The following MYCBP2 variants were observed in gnomAD, a reference collection of about 807,000 sequenced individuals.
The protein encoded by MYCBP2 is E3 ubiquitin-protein ligase MYCBP2.
In MYCBP2, 120 loss-of-function variants were observed where a neutral mutation model predicts 525.3. That is an observed-to-expected ratio of 0.23 (90% CI 0.20 to 0.27). The LOEUF (loss-of-function observed/expected upper bound fraction) is 0.27. MYCBP2 is among the 10% of genes least tolerant of loss of function. The pLI is 1.00. For missense variants in MYCBP2, 4,149 were observed against 5,657.1 expected, an observed-to-expected ratio of 0.73 and a Z score of 8.55; for synonymous variants, 1,894 against 1,955.8, an observed-to-expected ratio of 0.97 and a Z score of 0.83.
chr13:77,243,967 A>AG lies in MYCBP2; in HGVS notation c.2382-17_2382-16insC. 9.4e-7 allele frequency: 1 copy of AG among 1,062,680 alleles called. No individual in the cohort carries two copies. The highest frequency in any genetic ancestry group is 1.3e-6 in the Non-Finnish European group (1 of 786,990). 65.8% of individuals were successfully genotyped at this position (1,062,680 alleles called of 1,614,324 possible). ...ACCACAGATCCTAGGGGGAAATACAAAAAAAAAAAAAAAAGACAACTGAGA... is the reference window on the plus strand; with the variant it reads ...ACCACAGATCCTAGGGGGAAATACAAGAAAAAAAAAAAAAAGACAACTGAGA... On this transcript the variant is annotated splice_polypyrimidine_tract_variant and intron_variant, in intron 15 of 82. Transcript: ENST00000544440.
In MYCBP2 at chr13:77,194,137, T is replaced by C. The variant is rs1411208925; in HGVS notation, c.3935+16A>G. On this transcript the variant is annotated intron_variant, in intron 27 of 82. Coordinates refer to ENST00000544440, the MANE Select transcript of MYCBP2 (RefSeq NM_015057.5). The stretch of plus-strand genomic sequence containing the variant: ...AGTATGCAAGAGTTACAATGAATAA[T>C]GCACAAATTATTTACCTAGCAGCAC... 8.4e-6 allele frequency: 13 copies of C among 1,550,134 alleles called. No individual in the cohort carries two copies. The highest frequency in any genetic ancestry group is 4.5e-5 in the East Asian group (2 of 44,208).
intron 4 of MYCBP2, 55 bp downstream of exon 4, chr13:77,278,703 T>A (rs2075877852): frequency 7.2e-7 from 1 of 1,382,776 alleles, no homozygotes; most frequent in African/African-American, 1.5e-5. Context: ...TACAATACTC[T>A]ATTATTAATT....
At chr13:77,065,664 C>T (rs574120941) in intron 72 of MYCBP2, among the ~76,000 whole-genome samples, 46 of 152,292 alleles carry the variant, frequency 3.0e-4, no homozygotes, top group African/African-American at 1.0e-3. Flanking sequence ...CTTCCACTTT[C>T]GAGAGCTCTC....
intron 44 of MYCBP2, among the ~76,000 whole-genome samples, chr13:77,158,341 C>A (rs987038519): frequency 6.6e-6 from 1 of 152,178 alleles, no homozygotes; most frequent in Non-Finnish European, 1.5e-5. Context: ...TGTCAGAGAT[C>A]TGCATGCTGG....
In MYCBP2 at chr13:77,263,582, T is replaced by C. The variant is rs528343076; in HGVS notation, c.1570+69A>G. On this transcript the variant is annotated intron_variant, in intron 10 of 82. Transcript: ENST00000544440. ...ATAAGCTGAACTGGTGAAAACACAA[T>C]GTTCATTTTTAAGAGTATGAAAAAT... is the stretch of plus-strand genomic sequence containing the variant. 3.7e-5 allele frequency: 50 copies of C among 1,350,068 alleles called. No individual in the cohort carries two copies. The East Asian group carries it at 6.0e-4, about 16-fold the overall frequency. The allele number at this position is 1,350,068 out of a possible 1,614,324, so 83.6% of individuals were successfully genotyped here. A position where few individuals can be genotyped will look rare whatever the true frequency, so the allele number is the denominator to read the frequency against.
chr13:77,205,244 G>C lies in MYCBP2; in HGVS notation c.3843+12C>G. On this transcript the variant is annotated intron_variant, in intron 26 of 82. Transcript: ENST00000544440. ...TCAAACAAAAAAGGACAACATTGTT[G>C]ATGAACTTTACCTTAATTTTAGCAG... 6.4e-7 allele frequency: 1 copy of C among 1,557,824 alleles called. No homozygotes were observed. The highest frequency in any genetic ancestry group is 8.7e-7 in the Non-Finnish European group (1 of 1,149,900).
Position 77,326,660 on chromosome 13 carries a change from A to C in MYCBP2, c.116T>G (p.Met39Arg). The C allele has an allele frequency of 1.3e-6, 2 of 1,505,052 alleles. No homozygotes were observed. The highest frequency in any genetic ancestry group is 1.2e-5 in the South Asian group (1 of 80,258). The allele number at this position is 1,505,052 out of a possible 1,614,324, so 93.2% of individuals were successfully genotyped here. Residue 39 changes from methionine (M) to arginine (R), a missense_variant, in exon 1 of 83, where the codon ATG (methionine) becomes AGG (arginine). This residue lies in a region of MYCBP2 where 413 missense variants were observed against 451.2 expected (regional missense o/e 0.92). Transcript: ENST00000544440. This position sits in a 1 kb window ranked among gnomAD's most constrained non-coding sequence, Gnocchi z 4.2. ...AGCCACGGAGCCGTCGGGAACCGGC[A>C]TGAACAGCGCCCCCGGCGCCGGGGA... ...SSSPAPGALF[M>R]PVPDGSVAAA...
chr13:77,174,290 T>C, intron 37 of MYCBP2, 21 bp downstream of exon 37: 1 of 1,609,322 alleles, frequency 6.2e-7, no homozygotes, highest in Middle Eastern at 1.7e-4. Flanking sequence ...GTATTTCCGT[T>C]ATCTCTATAC....
chr13:77,124,042 TA>T (rs1159053767), intron 54 of MYCBP2, among the ~76,000 whole-genome samples: 1 of 152,082 alleles, frequency 6.6e-6, no homozygotes, highest in Non-Finnish European at 1.5e-5. Flanking sequence ...CATCTTAGAC[TA>T]AAAAAAGTCT....
At chr13:77,283,904 A>T (rs1358819204) in intron 3 of MYCBP2, among the ~76,000 whole-genome samples, 3 of 152,182 alleles carry the variant, frequency 2.0e-5, no homozygotes, top group Non-Finnish European at 4.4e-5. Flanking sequence ...TCTCAAAATG[A>T]AAATAAAAAC....
chr13:77,303,124 G>C (rs2078985306), intron 1 of MYCBP2, among the ~76,000 whole-genome samples: 2 of 152,190 alleles, frequency 1.3e-5, no homozygotes, highest in South Asian at 4.1e-4. Flanking sequence ...CATGAGGTCA[G>C]GTGTTCGAGA....
At chr13:77,067,462 GT>G in intron 71 of MYCBP2, 118 bp downstream of exon 71, 2 of 1,044,290 alleles carry the variant, frequency 1.9e-6, no homozygotes, top group Non-Finnish European at 2.8e-6. Context: ...TTAGCCAGTT[GT>G]TTATGGATTT....
At position 77,157,923 on chromosome 13, in the gene MYCBP2, T is replaced by C; in HGVS notation, c.6770+14A>G. The C allele has an allele frequency of 1.3e-6, 2 of 1,595,076 alleles. No individual in the cohort carries two copies. The highest frequency in any genetic ancestry group is 1.7e-6 in the Non-Finnish European group (2 of 1,171,916). ...AAGCCCTAAAATAAAGTAAGTAACT[T>C]AAAGTACATTTACCTTGCAAGCCTT... On this transcript the variant is annotated intron_variant, in intron 45 of 82. Coordinates refer to ENST00000544440, the MANE Select transcript of MYCBP2 (RefSeq NM_015057.5).
chr13:77,187,943 C>T (rs771259577), intron 30 of MYCBP2, among the ~76,000 whole-genome samples: 3 of 151,908 alleles, frequency 2.0e-5, no homozygotes, highest in East Asian at 1.9e-4. Context: ...TGGTGGCAGG[C>T]GCCTGTAATC....
intron 30 of MYCBP2, among the ~76,000 whole-genome samples, chr13:77,186,732 T>G (rs2060756365): frequency 2.0e-5 from 3 of 151,628 alleles, no homozygotes; most frequent in African/African-American, 7.3e-5. Context: ...CACCTGAATC[T>G]CAAAGCAGAG....
intron 3 of MYCBP2, among the ~76,000 whole-genome samples, chr13:77,280,465 C>T (rs1250794697): frequency 6.6e-6 from 1 of 152,156 alleles, no homozygotes; most frequent in Admixed American, 6.5e-5. Context: ...AAATATGGGG[C>T]TCTATTCTCA....
At chr13:77,125,535 T>G (rs1427624568) in intron 53 of MYCBP2, 67 bp from the exon 54 acceptor site, 2 of 1,568,510 alleles carry the variant, frequency 1.3e-6, no homozygotes, top group Admixed American at 3.5e-5. Flanking sequence ...TGAAAACCAG[T>G]AAAAATCTTA....
intron 21 of MYCBP2, among the ~76,000 whole-genome samples, chr13:77,212,471 G>A (rs534085064): frequency 5.3e-5 from 8 of 152,158 alleles, no homozygotes; most frequent in East Asian, 1.9e-4. Flanking sequence ...TGAAAAGTAC[G>A]ACAAATACAC....
chr13:77,112,823 C>A (rs2049058171), intron 55 of MYCBP2, among the ~76,000 whole-genome samples: 1 of 152,170 alleles, frequency 6.6e-6, no homozygotes, highest in Non-Finnish European at 1.5e-5. Context: ...AACTGAATTA[C>A]TCTCATTAGA....
Sources: allele counts gnomAD v4.1 joint callset (sites outside exome capture counted in the v4.1 genomes callset), GRCh38; gene constraint gnomAD v4.1.1; regional missense constraint gnomAD v4.1.1; non-coding constraint Gnocchi (gnomAD v3.1); transcripts MANE v1.5; gene names NCBI Gene and HGNC (gene_info 2026-07-23, HGNC 2026-07-21).